Variants in SYN2 observed in about 807,000 individuals in gnomAD.
SYN2 encodes synapsin-2.
SYN2 carries 19 observed loss-of-function variants against 50.9 expected under a neutral mutation model. The observed-to-expected ratio is 0.37, with a 90% CI of 0.26 to 0.55. SYN2 has a LOEUF of 0.55. Among genes scored for constraint, SYN2 ranks in the 20% least tolerant of loss-of-function variants. The probability of loss-of-function intolerance (pLI) is 0.81; values close to 1 mark genes in which losing one functional copy is unlikely to be tolerated. For synonymous variants in SYN2, 255 were observed against 224.9 expected (o/e 1.13, Z -1.20); for missense variants, 587 against 576.4 (o/e 1.02, Z -0.19).
rs73137643 is a variant in SYN2, at chr3:12,066,378, T to G, written c.377+61450T>G. On this transcript the variant is annotated intron_variant, in intron 1 of 12. Transcript: ENST00000621198. ...AAAGCAGCTGTTTCAATGTCAGAAG[T>G]GAAAACACACAAAGTCCTACTTATG... 7.7e-3 allele frequency among the ~76,000 whole-genome samples: 1,168 copies of G among 152,222 alleles called. 10 individuals are homozygous for G. The highest frequency in any genetic ancestry group is 0.027 in the African/African-American group (1,110 of 41,530).
intron 1 of SYN2, among the ~76,000 whole-genome samples, chr3:12,060,386 T>A (rs1246729169): frequency 2.6e-5 from 4 of 151,904 alleles, no homozygotes; most frequent in Non-Finnish European, 4.4e-5. Context: ...ACTACCAGAG[T>A]CTTATCCCAC....
At chr3:12,121,813 G>A (rs979228840) in intron 1 of SYN2, among the ~76,000 whole-genome samples, 1 of 152,140 alleles carries the variant, frequency 6.6e-6, no homozygotes, top group Admixed American at 6.6e-5. Context: ...AGATGATTGT[G>A]GGGGCTGGCA....
At chr3:12,137,344 C>G (rs1696917520) in intron 1 of SYN2, among the ~76,000 whole-genome samples, 1 of 151,594 alleles carries the variant, frequency 6.6e-6, no homozygotes. Context: ...GAGTAGTTTT[C>G]CCAGACTTTC....
At chr3:12,010,303 A>G (rs1693889089) in intron 1 of SYN2, among the ~76,000 whole-genome samples, 1 of 152,106 alleles carries the variant, frequency 6.6e-6, no homozygotes, top group Non-Finnish European at 1.5e-5. Context: ...TGTTCTTTTT[A>G]ATATCTTCCT....
intron 1 of SYN2, among the ~76,000 whole-genome samples, chr3:12,027,522 T>C (rs984902577): frequency 3.3e-5 from 5 of 152,182 alleles, no homozygotes; most frequent in Non-Finnish European, 7.4e-5. Flanking sequence ...ACCTGATCAG[T>C]TGGGGCTAAT....
chr3:12,015,097 G>A (rs1195041612), intron 1 of SYN2, among the ~76,000 whole-genome samples: 3 of 152,102 alleles, frequency 2.0e-5, no homozygotes, highest in Non-Finnish European at 4.4e-5. Context: ...TGAATGTGCC[G>A]TGCCCCTGTG....
At chr3:12,161,101 G>A (rs1697635641) in intron 5 of SYN2, among the ~76,000 whole-genome samples, 1 of 152,218 alleles carries the variant, frequency 6.6e-6, no homozygotes, top group Admixed American at 6.5e-5. Context: ...TTTGAAGGTT[G>A]TAGGTACCAA....
At chr3:12,152,972 G>A (rs1057315778) in intron 5 of SYN2, 1 of 190,226 alleles carries the variant, frequency 5.3e-6, no homozygotes. Flanking sequence ...GAGTGATTCT[G>A]TGTCTCCCAA....
chr3:12,163,702 T>G (rs1697713384), intron 7 of SYN2, among the ~76,000 whole-genome samples: 2 of 152,228 alleles, frequency 1.3e-5, no homozygotes. Flanking sequence ...CTTTATTGTC[T>G]AGATTTGTAC....
intron 12 of SYN2, among the ~76,000 whole-genome samples, chr3:12,188,571 C>T (rs541852135): frequency 1.4e-4 from 22 of 152,040 alleles, no homozygotes; most frequent in African/African-American, 4.8e-4. Flanking sequence ...ACTAGGAGAT[C>T]ATGTAGTCAT....
intron 5 of SYN2, among the ~76,000 whole-genome samples, chr3:12,154,014 C>T (rs1247483957): frequency 6.6e-6 from 1 of 152,164 alleles, no homozygotes. Flanking sequence ...CTTAATTCTT[C>T]ATAAATATGT....
intron 1 of SYN2, among the ~76,000 whole-genome samples, chr3:12,055,328 C>T (rs997139149): frequency 2.6e-5 from 4 of 151,982 alleles, no homozygotes; most frequent in Non-Finnish European, 4.4e-5. Context: ...GAAAACACTA[C>T]ATAACGATAT....
intron 4 of SYN2, among the ~76,000 whole-genome samples, chr3:12,147,573 A>C (rs1232945820): frequency 6.6e-6 from 1 of 152,110 alleles, no homozygotes; most frequent in African/African-American, 2.4e-5. Flanking sequence ...CCTCAGTCAC[A>C]TGTCCTTCCT....
intron 6 of SYN2, 171 bp downstream of exon 6, chr3:12,161,779 A>T (rs1209233338): frequency 6.2e-6 from 6 of 971,488 alleles, no homozygotes; most frequent in African/African-American, 3.2e-5. Context: ...CTCTTTCAGT[A>T]AGCAGAATGC....
intron 1 of SYN2, among the ~76,000 whole-genome samples, chr3:12,103,260 T>G (rs1696113634): frequency 6.6e-6 from 1 of 152,066 alleles, no homozygotes; most frequent in Non-Finnish European, 1.5e-5. Context: ...ATAACAGAGC[T>G]TTGTTTAAGG....
intron 3 of SYN2, among the ~76,000 whole-genome samples, chr3:12,143,211 C>CAT (rs1574963935): frequency 6.6e-6 from 1 of 152,280 alleles, no homozygotes; most frequent in East Asian, 1.9e-4. Context: ...GTATTTCAGG[C>CAT]ATACAGCTGG....
chr3:12,041,385 C>A (rs1467710676), intron 1 of SYN2, among the ~76,000 whole-genome samples: 1 of 152,174 alleles, frequency 6.6e-6, no homozygotes, highest in Non-Finnish European at 1.5e-5. Flanking sequence ...AGGATTTTTA[C>A]ATTGGAATAG....
At chr3:12,157,254 G>A in intron 5 of SYN2, 1 of 817,932 alleles carries the variant, frequency 1.2e-6, no homozygotes, top group Non-Finnish European at 2.0e-6. Context: ...ATCTCATCCA[G>A]TTCCACTTCA....
At chr3:12,185,405 G>A (rs1233622121) in intron 11 of SYN2, 1 of 985,676 alleles carries the variant, frequency 1.0e-6, no homozygotes, top group Admixed American at 6.1e-5. Flanking sequence ...CAGGCTACAG[G>A]GTGGTGTCAG....
Sources: gnomAD v4.1 joint callset for allele counts (sites outside exome capture counted in the v4.1 genomes callset) on GRCh38, gnomAD v4.1.1 for gene constraint, MANE v1.5 for transcripts, NCBI Gene and HGNC (gene_info 2026-07-23, HGNC 2026-07-21) for gene names.